NEBL: variants seen among roughly 807,000 people sequenced by gnomAD.
NEBL encodes the protein LIM and SH3 protein 2.
A neutral mutation model predicts 140.2 loss-of-function variants in NEBL; 122 were observed. The ratio of observed to expected loss-of-function variants is 0.87; its 90% CI spans 0.75 to 1.01. The LOEUF is 1.01. NEBL is among the 50% of genes least tolerant of loss of function. The pLI is 0.00. For synonymous variants in NEBL, 436 were observed against 398.9 expected, an observed-to-expected ratio of 1.09 and a Z score of -1.11; for missense variants, 1,365 against 1,231.3, an observed-to-expected ratio of 1.11 and a Z score of -1.62.
In NEBL at chr10:20,866,930, A is replaced by T. The variant is rs537013669; in HGVS notation, c.684+1734T>A. The stretch of plus-strand genomic sequence containing the variant: ...CTTTTTCATTCATGGTAAGAACAAC[A>T]TTGGACCCAAATCTTAAACTATATA... On this transcript the variant is annotated intron_variant, in intron 7 of 27. Transcript: ENST00000377122. Among the ~76,000 whole-genome samples the T allele has an allele frequency of 3.8e-4, 58 of 152,276 alleles. 1 individual carries two copies. In the South Asian group the frequency reaches 0.011, roughly 29 times the overall value.
intron 2 of NEBL, among the ~76,000 whole-genome samples, chr10:21,038,285 C>T (rs992445758): frequency 6.6e-6 from 1 of 152,132 alleles, no homozygotes; most frequent in Non-Finnish European, 1.5e-5. Flanking sequence ...TGGTTGTTTG[C>T]TGCACCTATC....
chr10:21,282,951 C>T (rs1166797372), intron 1 of NEBL, among the ~76,000 whole-genome samples: 1 of 152,016 alleles, frequency 6.6e-6, no homozygotes, highest in Non-Finnish European at 1.5e-5. Context: ...ATGGTGAAAC[C>T]CCTTCTCTAC....
intron 2 of NEBL, among the ~76,000 whole-genome samples, chr10:21,056,284 A>C (rs1361968144): frequency 3.3e-5 from 5 of 152,206 alleles, no homozygotes; most frequent in Admixed American, 6.5e-5. Flanking sequence ...TTGTTCATAA[A>C]ACCTAATATA....
chr10:20,845,556 G>C (rs1841845257), intron 11 of NEBL, 188 bp from the exon 12 acceptor site: 1 of 542,478 alleles, frequency 1.8e-6, no homozygotes, highest in African/African-American at 1.9e-5. Context: ...AAACAAAGGA[G>C]AATTATTAAG....
chr10:20,929,289 G>T (rs1834064301), intron 4 of NEBL, among the ~76,000 whole-genome samples: 1 of 151,608 alleles, frequency 6.6e-6, no homozygotes, highest in African/African-American at 2.4e-5. Flanking sequence ...TCCTATCACT[G>T]ATTAAAGGAA....
In NEBL at chr10:20,960,503, C is replaced by A. The variant is rs145134919; in HGVS notation, c.357+1169G>T. Reference sequence around the variant, plus strand: ...TAATATAAAATGTCCATTTAAAGAGCAAAAAACAATGTGTACTTTGCATCC... The same window carrying A: ...TAATATAAAATGTCCATTTAAAGAGAAAAAAACAATGTGTACTTTGCATCC... On this transcript the variant is annotated intron_variant, in intron 4 of 6. Coordinates refer to the NEBL transcript ENST00000417816. Among the ~76,000 whole-genome samples, 602 of 151,958 alleles carry A rather than the reference C, an allele frequency of 4.0e-3. 4 individuals carry two copies. The highest frequency in any genetic ancestry group is 0.013 in the African/African-American group (560 of 41,488).
At chr10:21,134,664 CA>C (rs1224916648) in intron 2 of NEBL, among the ~76,000 whole-genome samples, 2 of 152,224 alleles carry the variant, frequency 1.3e-5, no homozygotes, top group Admixed American at 1.3e-4. Context: ...CCTACTCTCA[CA>C]ACTATTCCAT....
intron 14 of NEBL, among the ~76,000 whole-genome samples, chr10:20,835,039 T>C (rs980976079): frequency 5.3e-5 from 8 of 152,200 alleles, no homozygotes. Context: ...AGAAATTTCA[T>C]GCGTGCTGAT....
At chr10:21,028,771 A>G (rs1044396490) in intron 2 of NEBL, among the ~76,000 whole-genome samples, 15 of 151,712 alleles carry the variant, frequency 9.9e-5, no homozygotes, top group African/African-American at 3.2e-4. Context: ...AACTCAATAT[A>G]ATTTAAAAAA....
chr10:21,182,499 T>G (rs1372944119), intron 3 of NEBL, among the ~76,000 whole-genome samples: 1 of 152,160 alleles, frequency 6.6e-6, no homozygotes. Flanking sequence ...TATATAATTT[T>G]AAGATAAATT....
chr10:20,814,294 T>A (rs944380880), intron 22 of NEBL, among the ~76,000 whole-genome samples: 2 of 152,072 alleles, frequency 1.3e-5, no homozygotes, highest in Non-Finnish European at 2.9e-5. Context: ...ATAGTAACTA[T>A]CTATCTAGTC....
At chr10:20,936,445 TC>T (rs1216323658) in intron 4 of NEBL, among the ~76,000 whole-genome samples, 1 of 152,190 alleles carries the variant, frequency 6.6e-6, no homozygotes. Flanking sequence ...GATTATGAAA[TC>T]TGTATAAGCA....
intron 2 of NEBL, among the ~76,000 whole-genome samples, chr10:21,059,930 G>A (rs1370191225): frequency 6.6e-6 from 1 of 152,128 alleles, no homozygotes; most frequent in East Asian, 1.9e-4. Flanking sequence ...AAAATACTAG[G>A]TCATATTTTA....
At chr10:21,061,518 A>ATATATCACATATTACATCATATATTT (rs1200636854) in intron 2 of NEBL, among the ~76,000 whole-genome samples, 5 of 148,112 alleles carry the variant, frequency 3.4e-5, no homozygotes, top group African/African-American at 1.2e-4. Flanking sequence ...ATTATATATT[A>ATATATCACATATTACATCATATATTT]TATATCACAT....
chr10:21,142,917 G>A (rs60695829), intron 2 of NEBL, among the ~76,000 whole-genome samples: 2,316 of 152,260 alleles, frequency 0.015, 54 homozygotes, highest in African/African-American at 0.052. Context: ...TGTCCCTGGT[G>A]CCAAAAAGGT....
intron 4 of NEBL, among the ~76,000 whole-genome samples, chr10:20,957,165 A>T (rs1481717219): frequency 6.6e-6 from 1 of 152,194 alleles, no homozygotes; most frequent in African/African-American, 2.4e-5. Flanking sequence ...CTATTCAATT[A>T]TTAGGCAATG....
chr10:20,877,960 T>G (rs1404982703), intron 5 of NEBL, among the ~76,000 whole-genome samples: 1 of 152,228 alleles, frequency 6.6e-6, no homozygotes, highest in Non-Finnish European at 1.5e-5. Flanking sequence ...TCCTTGTGTG[T>G]GTCCGTGTCC....
chr10:21,206,008 C>T (rs1330691962), intron 3 of NEBL, among the ~76,000 whole-genome samples: 1 of 152,302 alleles, frequency 6.6e-6, no homozygotes, highest in Middle Eastern at 3.4e-3. Flanking sequence ...AACCATTAGT[C>T]ATCAGGTGCC....
intron 2 of NEBL, among the ~76,000 whole-genome samples, chr10:21,122,796 G>A (rs1307201016): frequency 1.3e-5 from 2 of 152,102 alleles, no homozygotes; most frequent in Non-Finnish European, 2.9e-5. Context: ...ATTTCCTAAG[G>A]AAAAGGGAAA....
Sources: allele counts gnomAD v4.1 joint callset (sites outside exome capture counted in the v4.1 genomes callset), GRCh38; gene constraint gnomAD v4.1.1; transcripts MANE v1.5; gene names NCBI Gene and HGNC (gene_info 2026-07-23, HGNC 2026-07-21).